CHRM3: variants seen among roughly 807,000 people sequenced by gnomAD.
CHRM3 encodes the protein muscarinic acetylcholine receptor M3.
Under a neutral mutation model 41.8 loss-of-function variants are expected in CHRM3, and 11 were observed. The observed-to-expected ratio is 0.26, with a 90% confidence interval of 0.17 to 0.44. The LOEUF is 0.44. Among genes scored for constraint, CHRM3 ranks in the 20% least tolerant of loss-of-function variants. The pLI, the probability that CHRM3 is intolerant of heterozygous loss-of-function variation, is 1.00. For missense variants in CHRM3, 571 were observed against 745.4 expected (o/e 0.77, Z 2.72); for synonymous variants, 297 against 301.4 (o/e 0.99, Z 0.15).
At chr1:239,477,166 AAT>A (rs992174944) in intron 1 of CHRM3, among the ~76,000 whole-genome samples, 51 of 152,340 alleles carry the variant, frequency 3.3e-4, no homozygotes, top group African/African-American at 1.2e-3. Context: ...TCTTAGGTTA[AAT>A]ATGTGACTCA....
intron 5 of CHRM3, among the ~76,000 whole-genome samples, chr1:239,693,279 GC>G (rs1659880382): frequency 6.6e-6 from 1 of 152,080 alleles, no homozygotes; most frequent in Middle Eastern, 3.2e-3. Context: ...CTGCATTAAA[GC>G]CCCAACCCCC....
intron 5 of CHRM3, among the ~76,000 whole-genome samples, chr1:239,777,112 T>C (rs1371945555): frequency 6.6e-6 from 1 of 152,206 alleles, no homozygotes; most frequent in African/African-American, 2.4e-5. Context: ...CTGTCTGTTC[T>C]ATGTAACACT....
intron 2 of CHRM3, among the ~76,000 whole-genome samples, chr1:239,542,304 A>C (rs1443826941): frequency 6.6e-6 from 1 of 152,170 alleles, no homozygotes; most frequent in African/African-American, 2.4e-5. Context: ...TTTTCAAATG[A>C]ATAGCAGTTT....
intron 4 of CHRM3, among the ~76,000 whole-genome samples, chr1:239,640,279 T>C (rs1238972947): frequency 3.8e-4 from 58 of 152,334 alleles, no homozygotes; most frequent in Non-Finnish European, 2.1e-4. Flanking sequence ...GCTGGCATCA[T>C]AAAATGAGTT....
Position 239,387,438 on chromosome 1 carries a change from C to T in CHRM3, c.-521+211C>T, listed in dbSNP as rs1241400678. 1.3e-5 allele frequency among the ~76,000 whole-genome samples: 2 copies of T among 151,974 alleles called. No individual in the cohort carries two copies. Among genetic ancestry groups the T allele is most frequent in the African/African-American group, 4.8e-5 (2 of 41,394 alleles). On this transcript the variant is annotated intron_variant, in intron 1 of 6. Coordinates refer to ENST00000676153, the MANE Select transcript of CHRM3 (RefSeq NM_001375978.1). This position sits in a 1 kb window ranked among gnomAD's most constrained non-coding sequence, Gnocchi z 5.1. The stretch of plus-strand genomic sequence containing the variant: ...TGGGGGCACTTGAATTCCGACAGCG[C>T]GATCTGGTGCGGAGTTGGAGTTCTG...
intron 5 of CHRM3, among the ~76,000 whole-genome samples, chr1:239,695,565 T>C (rs1660106400): frequency 1.3e-5 from 2 of 152,260 alleles, no homozygotes; most frequent in South Asian, 4.1e-4. Flanking sequence ...TCAGCTATAG[T>C]CATTCCCTGG....
chr1:239,547,979 T>G (rs576820912), intron 3 of CHRM3, among the ~76,000 whole-genome samples: 1 of 152,276 alleles, frequency 6.6e-6, no homozygotes, highest in Non-Finnish European at 1.5e-5. Flanking sequence ...ATGACTTTTT[T>G]TTTTCAGGAG....
intron 4 of CHRM3, among the ~76,000 whole-genome samples, chr1:239,650,978 A>C (rs1027509495): frequency 1.3e-5 from 2 of 152,236 alleles, no homozygotes; most frequent in Admixed American, 1.3e-4. Flanking sequence ...ATTTGTAAGT[A>C]TACATATATG....
chr1:239,540,908 T>G (rs1469992262), intron 2 of CHRM3, among the ~76,000 whole-genome samples: 1 of 152,178 alleles, frequency 6.6e-6, no homozygotes, highest in Non-Finnish European at 1.5e-5. Flanking sequence ...CAGCTACCAT[T>G]TATTAACTGC....
At chr1:239,674,936 T>C (rs952426968) in intron 4 of CHRM3, among the ~76,000 whole-genome samples, 18 of 152,134 alleles carry the variant, frequency 1.2e-4, no homozygotes, top group African/African-American at 4.3e-4. Flanking sequence ...AAATTATTAC[T>C]CCTCCTCGCT....
chr1:239,846,241 A>G (rs1674252236), intron 6 of CHRM3, among the ~76,000 whole-genome samples: 2 of 152,268 alleles, frequency 1.3e-5, no homozygotes, highest in African/African-American at 4.8e-5. Context: ...CTTCCAGAAA[A>G]CGCTTTCTCT....
rs1680339411 is a variant in CHRM3, at chr1:239,911,066, A to G, written c.*1842A>G. 6.0e-6 allele frequency: 1 copy of G among 167,092 alleles called. No homozygotes were observed. The highest frequency in any genetic ancestry group is 6.5e-5 in the Admixed American group (1 of 15,282). The allele number at this position is 167,092 out of a possible 1,614,324, so 10.4% of individuals were successfully genotyped here. On this transcript the variant is annotated 3_prime_UTR_variant, in exon 7 of 7. Coordinates refer to ENST00000676153, the MANE Select transcript of CHRM3 (RefSeq NM_001375978.1). ...TCCACTTGAGCAATGAATAGAGTAT[A>G]TTGGAGCTTTCCTGTGGCTAAGAAG...
chr1:239,797,475 T>C (rs1669880641), intron 5 of CHRM3, among the ~76,000 whole-genome samples: 1 of 151,872 alleles, frequency 6.6e-6, no homozygotes, highest in Non-Finnish European at 1.5e-5. Context: ...AATATGAAAG[T>C]GGCTAGGCCC....
intron 5 of CHRM3, among the ~76,000 whole-genome samples, chr1:239,792,531 T>G (rs143890198): frequency 2.2e-4 from 33 of 152,346 alleles, no homozygotes; most frequent in Non-Finnish European, 3.8e-4. Context: ...TGAACATGCA[T>G]TTTAATGTAG....
chr1:239,427,077 G>A (rs1344726962), intron 1 of CHRM3, among the ~76,000 whole-genome samples: 1 of 152,150 alleles, frequency 6.6e-6, no homozygotes. Flanking sequence ...TTAGCAGGCA[G>A]TTTGCAATAC....
intron 3 of CHRM3, among the ~76,000 whole-genome samples, chr1:239,557,035 A>T (rs1660429623): frequency 6.6e-6 from 1 of 152,118 alleles, no homozygotes; most frequent in African/African-American, 2.4e-5. Context: ...TCTTTCATTC[A>T]TGCATGGGGC....
At chr1:239,576,283 C>G (rs1342920910) in intron 3 of CHRM3, among the ~76,000 whole-genome samples, 1 of 151,994 alleles carries the variant, frequency 6.6e-6, no homozygotes, top group East Asian at 1.9e-4. Flanking sequence ...ACCCCCATCC[C>G]CAGGGATCGT....
rs1260412486 is a variant in CHRM3 at position 239,641,960 on chromosome 1, G to C, written c.-250+9674G>C. On this transcript the variant is annotated intron_variant, in intron 4 of 6. Coordinates refer to ENST00000676153, the MANE Select transcript of CHRM3 (RefSeq NM_001375978.1). ...TCAGGAGCTCTTTTAGGGCAGGCCT[G>C]GTGGTGACAAAATCTCTCAGCATTT... 3.1e-4 allele frequency among the ~76,000 whole-genome samples: 39 copies of C among 127,004 alleles called. 10 individuals are homozygous for C. Among genetic ancestry groups the C allele is most frequent in the Non-Finnish European group, 5.2e-4 (31 of 59,988 alleles). 83.3% of individuals were successfully genotyped at this position (127,004 alleles called of 152,430 possible). A position where few individuals can be genotyped will look rare whatever the true frequency, so the allele number is the denominator to read the frequency against.
chr1:239,701,200 A>G (rs1435437157), intron 5 of CHRM3, among the ~76,000 whole-genome samples: 1 of 152,186 alleles, frequency 6.6e-6, no homozygotes. Context: ...ACATAGTACC[A>G]CTGACCATCA....
Sources: allele counts gnomAD v4.1 joint callset (sites outside exome capture counted in the v4.1 genomes callset), GRCh38; gene constraint gnomAD v4.1.1; non-coding constraint Gnocchi (gnomAD v3.1); transcripts MANE v1.5; gene names NCBI Gene and HGNC (gene_info 2026-07-23, HGNC 2026-07-21).